PPP2R3A: variants seen among roughly 807,000 people sequenced by gnomAD.
The protein encoded by PPP2R3A is serine/threonine-protein phosphatase 2A regulatory subunit B'' subunit alpha.
A neutral mutation model predicts 106.9 loss-of-function variants in PPP2R3A; 80 were observed. The ratio of observed to expected loss-of-function variants is 0.75; its 90% CI spans 0.62 to 0.90. The LOEUF (loss-of-function observed/expected upper bound fraction) is 0.90, where lower values mean the gene tolerates loss of function less well. Among genes scored for constraint, PPP2R3A ranks in the 40% least tolerant of loss-of-function variants. PPP2R3A has a pLI of 0.00. For synonymous variants in PPP2R3A, 483 were observed against 468.3 expected, an observed-to-expected ratio of 1.03 and a Z score of -0.41; for missense variants, 1,386 against 1,350.4, an observed-to-expected ratio of 1.03 and a Z score of -0.41.
intron 5 of PPP2R3A, among the ~76,000 whole-genome samples, chr3:136,054,405 C>T (rs1267405011): frequency 1.3e-5 from 2 of 152,026 alleles, no homozygotes; most frequent in East Asian, 1.9e-4. Context: ...ATTACAGGCA[C>T]GCGCCACCAC....
chr3:136,038,030 T>C (rs1296582384), intron 3 of PPP2R3A, among the ~76,000 whole-genome samples: 1 of 152,212 alleles, frequency 6.6e-6, no homozygotes, highest in Non-Finnish European at 1.5e-5. Flanking sequence ...ATAAAAGTGC[T>C]ATTTTCTTGC....
intron 9 of PPP2R3A, among the ~76,000 whole-genome samples, chr3:136,089,105 T>G (rs1937030061): frequency 6.6e-6 from 1 of 152,162 alleles, no homozygotes; most frequent in East Asian, 1.9e-4. Context: ...CAATCATCAA[T>G]TTTTGGTTGT....
chr3:136,029,318 G>A lies in PPP2R3A; in HGVS notation c.2262+2220G>A, dbSNP rs147444222. ...AATATTCCCAACTGCTGACTGAGGA[G>A]CCCATTCTCCTGTGTCTTTGTACTG... On this transcript the variant is annotated intron_variant, in intron 3 of 13. Coordinates refer to ENST00000264977, the MANE Select transcript of PPP2R3A (RefSeq NM_002718.5). Among the ~76,000 whole-genome samples, 414 of 152,310 alleles carry A rather than the reference G, an allele frequency of 2.7e-3. 2 individuals are homozygous for A. Among genetic ancestry groups the A allele is most frequent in the Middle Eastern group, 0.014 (4 of 294 alleles).
chr3:135,971,191 A>T (rs995742072), intron 1 of PPP2R3A, among the ~76,000 whole-genome samples: 1 of 152,198 alleles, frequency 6.6e-6, no homozygotes, highest in Non-Finnish European at 1.5e-5. Flanking sequence ...AAAAACTCTC[A>T]TACTTTGAAG....
At chr3:136,138,030 G>T (rs187359897) in intron 13 of PPP2R3A, among the ~76,000 whole-genome samples, 11 of 152,160 alleles carry the variant, frequency 7.2e-5, no homozygotes, top group Admixed American at 7.2e-4. Flanking sequence ...ATGGAGGCTT[G>T]TGTGTATATA....
Position 136,003,332 on chromosome 3 carries a change from A to G in PPP2R3A, c.1834A>G (p.Arg612Gly). The change falls in exon 2 of 14, where the codon AGA (arginine) becomes GGA (glycine). Residue 612 changes from arginine to glycine, a missense_variant. Coordinates refer to ENST00000264977, the MANE Select transcript of PPP2R3A (RefSeq NM_002718.5). ...AQELVECKSS[R>G]GSLSQEKEMM... ...AGAACTAGTTGAATGCAAATCAAGC[A>G]GAGGGAGCCTATCACAAGAAAAGGA... The G allele has an allele frequency of 6.2e-7, 1 of 1,614,056 alleles. No homozygotes were observed.
At chr3:136,129,610 C>T (rs1938323055) in intron 13 of PPP2R3A, among the ~76,000 whole-genome samples, 1 of 152,138 alleles carries the variant, frequency 6.6e-6, no homozygotes, top group Non-Finnish European at 1.5e-5. Context: ...TGGTACCATT[C>T]CTTCTGAAAC....
intron 13 of PPP2R3A, among the ~76,000 whole-genome samples, chr3:136,136,468 G>C (rs753749745): frequency 6.6e-6 from 1 of 152,038 alleles, no homozygotes; most frequent in Non-Finnish European, 1.5e-5. Flanking sequence ...TCTGTTGCAT[G>C]AACAGCAGGA....
At chr3:136,072,711 G>C (rs769593926) in intron 6 of PPP2R3A, among the ~76,000 whole-genome samples, 1 of 152,184 alleles carries the variant, frequency 6.6e-6, no homozygotes, top group Non-Finnish European at 1.5e-5. Flanking sequence ...ATTCTTAAGA[G>C]TTAGAAAAGA....
chr3:136,024,575 A>G (rs372193751), intron 2 of PPP2R3A, among the ~76,000 whole-genome samples: 40 of 152,230 alleles, frequency 2.6e-4, no homozygotes, highest in African/African-American at 9.4e-4. Context: ...TCTGAATATC[A>G]CTTATTTCTG....
In PPP2R3A at chr3:136,090,607, T is replaced by C. The variant is rs1937072165; in HGVS notation, c.2867T>C (p.Met956Thr). Residue 956 changes from methionine to threonine, a missense_variant, in exon 10 of 14, where the codon ATG (methionine) becomes ACG (threonine). Met to Thr is a moderately conservative substitution (Grantham distance 81). Coordinates refer to ENST00000264977, the MANE Select transcript of PPP2R3A (RefSeq NM_002718.5). The stretch of plus-strand genomic sequence containing the variant: ...AAAACAATACAGAAAGAGGGAAGAA[T>C]GAGCTATGCAGATTTTGTTTGGTTT... ...RGKTIQKEGR[M>T]SYADFVWFLI... The C allele has an allele frequency of 3.1e-6, 5 of 1,613,560 alleles. No individual in the cohort carries two copies. In the African/African-American group the frequency reaches 6.7e-5, roughly 22 times the overall value.
chr3:136,128,599 A>G (rs563344668), intron 13 of PPP2R3A, among the ~76,000 whole-genome samples: 1 of 152,324 alleles, frequency 6.6e-6, no homozygotes, highest in South Asian at 2.1e-4. Context: ...TGTCAATATT[A>G]GACAGATCAA....
At chr3:136,046,134 G>A (rs898059044) in intron 4 of PPP2R3A, among the ~76,000 whole-genome samples, 5 of 151,928 alleles carry the variant, frequency 3.3e-5, no homozygotes, top group South Asian at 2.1e-4. Flanking sequence ...CTGTGTTCAC[G>A]CCATTGTACT....
intron 13 of PPP2R3A, chr3:136,106,926 CAAAAAAAAAAAAAAAAA>C: frequency 4.8e-5 from 2 of 41,738 alleles, no homozygotes; most frequent in South Asian, 9.8e-4. Flanking sequence ...ACTCCGTCTC[CAAAAAAAAAAAAAAAAA>C]AAAAAAAAAA....
chr3:135,999,410 A>G (rs1428916359), intron 1 of PPP2R3A, among the ~76,000 whole-genome samples: 1 of 152,194 alleles, frequency 6.6e-6, no homozygotes, highest in Admixed American at 6.6e-5. Context: ...TGGATCTCTG[A>G]TTGAAAATAG....
chr3:136,055,648 G>C (rs1256843503), intron 5 of PPP2R3A: 5 of 1,264,642 alleles, frequency 4.0e-6, no homozygotes, highest in Non-Finnish European at 4.6e-6. Flanking sequence ...CAAAGTACTT[G>C]ATACAGAGGT....
Position 136,061,539 on chromosome 3 carries a change from A to G in PPP2R3A, c.2470-8939A>G, listed in dbSNP as rs562556580. Among the ~76,000 whole-genome samples the G allele has an allele frequency of 4.0e-4, 61 of 152,184 alleles. 1 individual carries two copies. The highest frequency in any genetic ancestry group is 1.4e-3 in the African/African-American group (60 of 41,500). On this transcript the variant is annotated intron_variant, in intron 5 of 13. Coordinates refer to ENST00000264977, the MANE Select transcript of PPP2R3A (RefSeq NM_002718.5). ...GCTAATCGGGAGGCTGAGGCAGAAGAATTGCTTGAACTTGGGAGGCAGAGG... is the reference window on the plus strand; with the variant it reads ...GCTAATCGGGAGGCTGAGGCAGAAGGATTGCTTGAACTTGGGAGGCAGAGG...
At chr3:136,069,129 T>C (rs1200365238) in intron 5 of PPP2R3A, among the ~76,000 whole-genome samples, 1 of 152,176 alleles carries the variant, frequency 6.6e-6, no homozygotes, top group Non-Finnish European at 1.5e-5. Context: ...GTGGAAAAAC[T>C]AGTGAGATTT....
intron 10 of PPP2R3A, among the ~76,000 whole-genome samples, chr3:136,094,689 TAACC>T (rs1423701414): frequency 4.6e-5 from 7 of 152,178 alleles, no homozygotes; most frequent in Non-Finnish European, 7.4e-5. Context: ...AAGAAATACA[TAACC>T]TGAATAGTCA....
Sources: allele counts gnomAD v4.1 joint callset (sites outside exome capture counted in the v4.1 genomes callset), GRCh38; gene constraint gnomAD v4.1.1; transcripts MANE v1.5; gene names NCBI Gene and HGNC (gene_info 2026-07-23, HGNC 2026-07-21).